TMEM132D: variants seen among roughly 807,000 people sequenced by gnomAD.
TMEM132D encodes the protein transmembrane protein 132D.
A neutral mutation model predicts 62.3 loss-of-function variants in TMEM132D; 21 were observed. The observed-to-expected ratio is 0.34, with a 90% CI of 0.24 to 0.49. The LOEUF is 0.49. TMEM132D is among the 20% of genes least tolerant of loss of function. The pLI is 0.99. For missense variants in TMEM132D, 1,346 were observed against 1,402.8 expected (o/e 0.96, Z 0.65); for synonymous variants, 621 against 575.6 (o/e 1.08, Z -1.13).
chr12:129,421,615 T>A (rs1459617039), intron 3 of TMEM132D, among the ~76,000 whole-genome samples: 4 of 152,228 alleles, frequency 2.6e-5, no homozygotes, highest in Admixed American at 2.6e-4. Context: ...ATCAATAGAT[T>A]TTCTACTAGC....
chr12:129,709,340 A>T (rs1881584576), intron 1 of TMEM132D, among the ~76,000 whole-genome samples: 1 of 152,260 alleles, frequency 6.6e-6, no homozygotes, highest in Admixed American at 6.5e-5. Context: ...TGCCAGCCAT[A>T]AAGCTGAAAA....
chr12:129,209,436 G>T (rs1878958491), intron 5 of TMEM132D, 84 bp downstream of exon 5: 2 of 1,547,972 alleles, frequency 1.3e-6, no homozygotes, highest in Non-Finnish European at 1.8e-6. Flanking sequence ...GGTCCCAGAG[G>T]TCCCAGAGGT....
At chr12:129,347,787 G>A (rs930616705) in intron 3 of TMEM132D, among the ~76,000 whole-genome samples, 2 of 152,040 alleles carry the variant, frequency 1.3e-5, no homozygotes, top group Non-Finnish European at 2.9e-5. Flanking sequence ...TACAGAATGG[G>A]AGAACATTTT....
At chr12:129,474,006 G>A (rs10847887) in intron 3 of TMEM132D, among the ~76,000 whole-genome samples, 113,761 of 152,118 alleles carry the variant, frequency 0.75, 42,559 homozygotes, top group Middle Eastern at 0.78. Flanking sequence ...GACTTTCAAC[G>A]GCATGGCTTG....
At chr12:129,823,203 C>A (rs1872581565) in intron 1 of TMEM132D, among the ~76,000 whole-genome samples, 1 of 152,244 alleles carries the variant, frequency 6.6e-6, no homozygotes, top group East Asian at 1.9e-4. Context: ...AACTGCCATG[C>A]TTCCTGTACA....
At chr12:129,310,376 G>A (rs76098673) in intron 4 of TMEM132D, among the ~76,000 whole-genome samples, 30,580 of 152,148 alleles carry the variant, frequency 0.2, 3,791 homozygotes, top group East Asian at 0.4. Flanking sequence ...GCTGGCAGCA[G>A]CTAAGCTGTT....
At chr12:129,450,750 CTTTTTTTTTTTTT>C (rs869041495) in intron 3 of TMEM132D, among the ~76,000 whole-genome samples, 2 of 102,572 alleles carry the variant, frequency 1.9e-5, no homozygotes, top group South Asian at 7.8e-4. Flanking sequence ...TCCATCGCTT[CTTTTTTTTTTTTT>C]TTTTTTTTTT....
intron 1 of TMEM132D, among the ~76,000 whole-genome samples, chr12:129,891,571 G>A (rs1269641574): frequency 2.0e-5 from 3 of 152,276 alleles, no homozygotes; most frequent in South Asian, 4.1e-4. Flanking sequence ...AGCCCTTTCA[G>A]GAAAGAACTT....
chr12:129,584,306 CTAA>C (rs1263302133), intron 2 of TMEM132D, among the ~76,000 whole-genome samples: 1 of 152,178 alleles, frequency 6.6e-6, no homozygotes, highest in African/African-American at 2.4e-5. Flanking sequence ...ATTTTCAGTA[CTAA>C]TGTTTTTACC....
At chr12:129,157,531 G>T (rs6486438) in intron 5 of TMEM132D, among the ~76,000 whole-genome samples, 93,417 of 152,106 alleles carry the variant, frequency 0.61, 29,175 homozygotes, top group Non-Finnish European at 0.67. Context: ...TAACCTGTGT[G>T]AAGCCATTGA....
intron 4 of TMEM132D, among the ~76,000 whole-genome samples, chr12:129,313,025 A>C (rs3912296): frequency 0.12 from 18,155 of 152,044 alleles, 1,414 homozygotes; most frequent in East Asian, 0.35. Context: ...TGAGATGGGG[A>C]AGGTTCCAGG....
intron 5 of TMEM132D, among the ~76,000 whole-genome samples, chr12:129,166,365 C>T (rs534140300): frequency 1.3e-5 from 2 of 151,962 alleles, no homozygotes; most frequent in African/African-American, 2.4e-5. Context: ...TGAATGCGGG[C>T]GGAGCTCCAT....
At chr12:129,680,204 C>T (rs1880743221) in intron 2 of TMEM132D, among the ~76,000 whole-genome samples, 1 of 152,174 alleles carries the variant, frequency 6.6e-6, no homozygotes, top group Non-Finnish European at 1.5e-5. Flanking sequence ...CTTCCACGCG[C>T]TTGGATAATC....
At chr12:129,172,307 A>G (rs1472715766) in intron 5 of TMEM132D, among the ~76,000 whole-genome samples, 2 of 152,212 alleles carry the variant, frequency 1.3e-5, no homozygotes, top group Non-Finnish European at 2.9e-5. Context: ...CTGATCTTCT[A>G]TCTAGACCAC....
chr12:129,194,217 C>T (rs1878484982), intron 5 of TMEM132D, among the ~76,000 whole-genome samples: 1 of 152,222 alleles, frequency 6.6e-6, no homozygotes, highest in Admixed American at 6.5e-5. Flanking sequence ...GGGCTGGGCC[C>T]CTCTCTTCCT....
chr12:129,273,470 C>T (rs1037619720), intron 4 of TMEM132D, among the ~76,000 whole-genome samples: 7 of 147,320 alleles, frequency 4.8e-5, no homozygotes, highest in South Asian at 2.1e-4. Context: ...TGAACTCATA[C>T]GTTCACTGCA....
At chr12:129,083,774 C>A (rs1251414074) in intron 6 of TMEM132D, among the ~76,000 whole-genome samples, 1 of 152,214 alleles carries the variant, frequency 6.6e-6, no homozygotes, top group Non-Finnish European at 1.5e-5. Flanking sequence ...AATTCTTATA[C>A]ACGGTTTCTC....
chr12:129,248,836 G>A (rs1401508499), intron 4 of TMEM132D, among the ~76,000 whole-genome samples: 1 of 152,028 alleles, frequency 6.6e-6, no homozygotes, highest in Non-Finnish European at 1.5e-5. Context: ...TAAGGATAAC[G>A]GCCTCCAGCT....
At chr12:129,311,856 G>A (rs1322102316) in intron 4 of TMEM132D, among the ~76,000 whole-genome samples, 1 of 152,150 alleles carries the variant, frequency 6.6e-6, no homozygotes, top group Non-Finnish European at 1.5e-5. Context: ...AGCGTCTAGG[G>A]CTCACCAGCA....
Sources: allele counts gnomAD v4.1 joint callset (sites outside exome capture counted in the v4.1 genomes callset), GRCh38; gene constraint gnomAD v4.1.1; transcripts MANE v1.5; gene names NCBI Gene and HGNC (gene_info 2026-07-23, HGNC 2026-07-21).